Variants in RAD51B observed in about 807,000 individuals in gnomAD.
RAD51B encodes RAD51 paralog B, also known as DNA repair protein RAD51 homolog 2.
Under a neutral mutation model 42.2 loss-of-function variants are expected in RAD51B, and 38 were observed. That is an observed-to-expected ratio of 0.90 (90% CI 0.70 to 1.18). RAD51B has a LOEUF of 1.18. Among genes scored for constraint, RAD51B ranks in the 50% most tolerant of loss-of-function variants. The probability of loss-of-function intolerance (pLI) is 0.00; values close to 1 mark genes in which losing one functional copy is unlikely to be tolerated. For synonymous variants in RAD51B, 154 were observed against 145.2 expected (o/e 1.06, Z -0.43); for missense variants, 373 against 400.7 (o/e 0.93, Z 0.59).
intron 7 of RAD51B, among the ~76,000 whole-genome samples, chr14:68,042,626 G>A (rs998243931): frequency 6.6e-6 from 1 of 151,818 alleles, no homozygotes; most frequent in Non-Finnish European, 1.5e-5. Flanking sequence ...CCTTTCCCAT[G>A]CTTTTGTTTC....
chr14:68,623,150 C>T (rs1285869322), intron 10 of RAD51B, among the ~76,000 whole-genome samples: 2 of 152,134 alleles, frequency 1.3e-5, no homozygotes, highest in Non-Finnish European at 1.5e-5. Flanking sequence ...TGAGCAAATC[C>T]AGGGCTGTTT....
At chr14:68,036,976 G>GTA (rs1016176083) in intron 7 of RAD51B, among the ~76,000 whole-genome samples, 1 of 147,008 alleles carries the variant, frequency 6.8e-6, no homozygotes, top group African/African-American at 2.5e-5. Context: ...TTTTTCTTTA[G>GTA]TATCCATAAT....
intron 7 of RAD51B, among the ~76,000 whole-genome samples, chr14:68,099,458 C>CA (rs2091163849): frequency 6.6e-6 from 1 of 152,162 alleles, no homozygotes; most frequent in Non-Finnish European, 1.5e-5. Context: ...CAGTAGCACA[C>CA]AAAAAATCAT....
At chr14:68,337,012 G>T (rs1441239595) in intron 8 of RAD51B, among the ~76,000 whole-genome samples, 1 of 152,188 alleles carries the variant, frequency 6.6e-6, no homozygotes, top group Non-Finnish European at 1.5e-5. Flanking sequence ...TAACTGAGAT[G>T]AATTCCTTTG....
chr14:68,154,439 ACTCCT>A, intron 7 of RAD51B, among the ~76,000 whole-genome samples: 1 of 151,940 alleles, frequency 6.6e-6, no homozygotes, highest in African/African-American at 2.4e-5. Context: ...TCTACCCTCT[ACTCCT>A]CTCAGAGCAT....
At chr14:68,607,823 C>A (rs1464680273) in intron 10 of RAD51B, among the ~76,000 whole-genome samples, 1 of 152,078 alleles carries the variant, frequency 6.6e-6, no homozygotes, top group African/African-American at 2.4e-5. Flanking sequence ...CAGGGGCTGG[C>A]AATGTAGGAG....
chr14:68,388,370 T>C (rs2083655446), intron 8 of RAD51B, among the ~76,000 whole-genome samples: 1 of 152,116 alleles, frequency 6.6e-6, no homozygotes, highest in Non-Finnish European at 1.5e-5. Context: ...AGTGCTGGGA[T>C]TACAGGCATG....
chr14:68,462,463 A>G (rs1455631021), intron 9 of RAD51B, among the ~76,000 whole-genome samples: 1 of 152,244 alleles, frequency 6.6e-6, no homozygotes, highest in African/African-American at 2.4e-5. Flanking sequence ...TGGCACAAAT[A>G]ACGAAAATTG....
At chr14:68,016,409 A>G (rs575725656) in intron 7 of RAD51B, among the ~76,000 whole-genome samples, 14 of 152,320 alleles carry the variant, frequency 9.2e-5, no homozygotes, top group Admixed American at 8.5e-4. Flanking sequence ...ACACCATCAT[A>G]TAGTAATCCT....
chr14:67,911,638 A>AT (rs952959871), intron 7 of RAD51B, among the ~76,000 whole-genome samples: 2 of 152,028 alleles, frequency 1.3e-5, no homozygotes, highest in African/African-American at 4.8e-5. Context: ...GATTTTTTTC[A>AT]TTTTTTTAAA....
At chr14:68,286,976 A>G (rs1282035664) in intron 7 of RAD51B, among the ~76,000 whole-genome samples, 1 of 152,146 alleles carries the variant, frequency 6.6e-6, no homozygotes, top group Non-Finnish European at 1.5e-5. Flanking sequence ...GAAATAAGTC[A>G]TCTATTTTCA....
intron 10 of RAD51B, among the ~76,000 whole-genome samples, chr14:68,604,047 A>G (rs2236185): frequency 0.39 from 59,017 of 152,182 alleles, 12,897 homozygotes; most frequent in East Asian, 0.62. Context: ...TTAGCCCGCC[A>G]GGATTGCTGG....
chr14:68,141,347 A>G (rs986972840), intron 7 of RAD51B, among the ~76,000 whole-genome samples: 3 of 152,208 alleles, frequency 2.0e-5, no homozygotes, highest in Non-Finnish European at 4.4e-5. Context: ...AAAGCTCTAT[A>G]GGTCTTCAAT....
downstream of RAD51B, chr14:68,596,045 C>A (rs1337189799): frequency 2.9e-6 from 3 of 1,046,096 alleles, no homozygotes; most frequent in African/African-American, 5.0e-5. Flanking sequence ...ATCTGAGAGA[C>A]CAGCAGATGT....
intron 10 of RAD51B, chr14:68,628,289 G>C (rs913711714): frequency 6.6e-6 from 1 of 152,252 alleles, no homozygotes; most frequent in African/African-American, 2.4e-5. Flanking sequence ...ACTAGAGCCA[G>C]CTTCTGCCTC....
chr14:67,988,136 A>G (rs182161670), intron 7 of RAD51B, among the ~76,000 whole-genome samples: 1 of 152,254 alleles, frequency 6.6e-6, no homozygotes, highest in Admixed American at 6.5e-5. Flanking sequence ...CTCCAAAATA[A>G]ATGTATGCTT....
At chr14:68,410,513 G>A (rs979121040) in intron 8 of RAD51B, among the ~76,000 whole-genome samples, 1 of 152,170 alleles carries the variant, frequency 6.6e-6, no homozygotes, top group Non-Finnish European at 1.5e-5. Context: ...CTAAGGTTAG[G>A]ATTCCTGTCA....
chr14:67,971,926 A>G (rs536162114), intron 7 of RAD51B, among the ~76,000 whole-genome samples: 1 of 151,862 alleles, frequency 6.6e-6, no homozygotes, highest in African/African-American at 2.4e-5. Flanking sequence ...TTCACTGTGA[A>G]TGAATTTAAG....
chr14:68,204,838 A>G (rs950155736), intron 7 of RAD51B, among the ~76,000 whole-genome samples: 1 of 152,230 alleles, frequency 6.6e-6, no homozygotes, highest in Non-Finnish European at 1.5e-5. Flanking sequence ...GAAGTAAATT[A>G]TCTTTCAAGT....
Sources: allele counts gnomAD v4.1 joint callset (sites outside exome capture counted in the v4.1 genomes callset), GRCh38; gene constraint gnomAD v4.1.1; transcripts MANE v1.5; gene names NCBI Gene and HGNC (gene_info 2026-07-23, HGNC 2026-07-21).